MAN1C1: variants seen among roughly 807,000 people sequenced by gnomAD.
MAN1C1 encodes the protein mannosidase alpha class 1C member 1.
A neutral mutation model predicts 71.5 loss-of-function variants in MAN1C1; 49 were observed. The ratio of observed to expected loss-of-function variants is 0.69; its 90% confidence interval spans 0.54 to 0.87. The LOEUF is 0.87. MAN1C1 is among the 40% of genes least tolerant of loss of function. The pLI is 0.00. For synonymous variants in MAN1C1, 352 were observed against 343.7 expected (o/e 1.02, Z -0.27); for missense variants, 743 against 835.0 (o/e 0.89, Z 1.36).
intron 2 of MAN1C1, among the ~76,000 whole-genome samples, chr1:25,688,573 A>G (rs1362580146): frequency 6.6e-6 from 1 of 152,132 alleles, no homozygotes; most frequent in East Asian, 1.9e-4. Context: ...TGGGATTTAA[A>G]TCTCAACCCT....
intron 2 of MAN1C1, among the ~76,000 whole-genome samples, chr1:25,699,751 A>C (rs1284039290): frequency 6.6e-6 from 1 of 152,188 alleles, no homozygotes. Flanking sequence ...GGCAGACAGC[A>C]GGGTCAGCCC....
Position 25,778,134 on chromosome 1 carries a change from TC to T in MAN1C1, c.1290del (p.Leu433Ter). ...AIETYLLNVSPGGLTYIAEWR... is the reference protein window; with the variant it reads ...AIETYLLNVSXGGLTYIAEWR... ...TAGAGACCTACTTGCTGAATGTCTC[TC>T]CCGGGGGGCTGACCTACATTGCCGA... On this transcript the variant is annotated frameshift_variant, in exon 9 of 12. Coordinates refer to ENST00000374332, the MANE Select transcript of MAN1C1 (RefSeq NM_020379.4). LOFTEE classifies it high-confidence loss of function. This position sits in a 1 kb window ranked among gnomAD's most constrained non-coding sequence, Gnocchi z 5.5. 1 of 1,584,820 alleles carries T rather than the reference TC, an allele frequency of 6.3e-7. No homozygotes were observed. The highest frequency in any genetic ancestry group is 8.6e-7 in the Non-Finnish European group (1 of 1,162,032).
In MAN1C1 at chr1:25,778,924, C is replaced by T. The variant is rs1167298854; in HGVS notation, c.1477+600C>T. 3.3e-5 allele frequency among the ~76,000 whole-genome samples: 5 copies of T among 152,176 alleles called. No homozygotes were observed. The highest frequency in any genetic ancestry group is 1.2e-4 in the African/African-American group (5 of 41,430). On this transcript the variant is annotated intron_variant, in intron 9 of 11. Coordinates refer to ENST00000374332, the MANE Select transcript of MAN1C1 (RefSeq NM_020379.4). This position sits in a 1 kb window ranked among gnomAD's most constrained non-coding sequence, Gnocchi z 5.5. The stretch of plus-strand genomic sequence containing the variant: ...ACATTTGAGAGCCTGAGCCTGGCTC[C>T]TCATTCTACACAGAGAAGTGGAGTC...
chr1:25,750,454 GC>G (rs1572193923), intron 4 of MAN1C1, among the ~76,000 whole-genome samples: 1 of 151,578 alleles, frequency 6.6e-6, no homozygotes, highest in Non-Finnish European at 1.5e-5. Flanking sequence ...AATGATGCCT[GC>G]CCCCCGCCAC....
chr1:25,671,684 T>C (rs1246553959), intron 1 of MAN1C1, among the ~76,000 whole-genome samples: 4 of 152,216 alleles, frequency 2.6e-5, no homozygotes, highest in Admixed American at 6.5e-5. Context: ...CATTGGCATG[T>C]ACGAAGGCCG....
intron 1 of MAN1C1, among the ~76,000 whole-genome samples, chr1:25,676,188 A>G (rs545571143): frequency 9.9e-5 from 15 of 152,200 alleles, no homozygotes; most frequent in Non-Finnish European, 2.2e-4. Context: ...CTCAAACCTG[A>G]AACCCCATGG....
chr1:25,654,082 T>G (rs2045729473), intron 1 of MAN1C1, among the ~76,000 whole-genome samples: 1 of 152,152 alleles, frequency 6.6e-6, no homozygotes, highest in African/African-American at 2.4e-5. Flanking sequence ...GAGACAAGTT[T>G]TGGAACTCCC....
intron 2 of MAN1C1, among the ~76,000 whole-genome samples, chr1:25,716,522 C>G (rs763865433): frequency 6.6e-6 from 1 of 152,136 alleles, no homozygotes; most frequent in Non-Finnish European, 1.5e-5. Context: ...ACACAGGATT[C>G]TGCCGTGTTG....
chr1:25,732,764 G>A (rs2046926933), intron 2 of MAN1C1, among the ~76,000 whole-genome samples: 1 of 152,140 alleles, frequency 6.6e-6, no homozygotes, highest in South Asian at 2.1e-4. Flanking sequence ...CCCTCCCTGG[G>A]GCTCAGCTCC....
Position 25,782,674 on chromosome 1 carries a change from G to C in MAN1C1, c.1740G>C (p.Gln580His), listed in dbSNP as rs745949343. Residue 580 changes from glutamine (Q) to histidine (H), a missense_variant, in exon 11 of 12, where the codon CAG (glutamine) becomes CAC (histidine). Transcript: ENST00000374332. The surrounding 1 kb of genome is among the most constrained non-coding windows in gnomAD (Gnocchi z 4.4). Reference protein sequence around the residue: ...SSTPNHDNKQQSFFLAETLKY... With the variant: ...SSTPNHDNKQHSFFLAETLKY... ...CCCCCAACCACGACAACAAGCAGCA[G>C]AGCTTCTTTCTAGCGGAGACACTAA... 6 of 1,614,076 alleles carry C rather than the reference G, an allele frequency of 3.7e-6. No individual in the cohort carries two copies. Among genetic ancestry groups the C allele is most frequent in the African/African-American group, 1.3e-5 (1 of 75,018 alleles).
At chr1:25,636,881 A>G (rs2045469259) in intron 1 of MAN1C1, among the ~76,000 whole-genome samples, 1 of 152,176 alleles carries the variant, frequency 6.6e-6, no homozygotes, top group South Asian at 2.1e-4. Flanking sequence ...TCGGCCAGGC[A>G]TGGTGGCTCA....
chr1:25,729,252 G>A (rs934664232), intron 2 of MAN1C1, among the ~76,000 whole-genome samples: 47 of 152,252 alleles, frequency 3.1e-4, no homozygotes, highest in African/African-American at 1.0e-3. Flanking sequence ...TGCACATGCT[G>A]TGCTCTCTGC....
rs1218023534 is a variant in MAN1C1 at position 25,753,508 on chromosome 1, C to T, written c.859C>T (p.Leu287=). 6.2e-7 allele frequency: 1 copy of T among 1,613,912 alleles called. No homozygotes were observed. The highest frequency in any genetic ancestry group is 1.7e-5 in the Admixed American group (1 of 60,008). ...GGTGTTCCGAATAAAGGCCATCAGG[C>T]TGGGAGAGAAGCTCCTGCCGGCGTT... The part of the protein sequence containing the change: ...EEVFRIKAIR[L]GEKLLPAFNT... The change falls in exon 5 of 12, where the codon CTG becomes TTG. Residue 287 remains leucine, a synonymous_variant. Transcript: ENST00000374332. This position sits in a 1 kb window ranked among gnomAD's most constrained non-coding sequence, Gnocchi z 4.9.
At chr1:25,648,785 TCTC>T (rs745991315) in intron 1 of MAN1C1, among the ~76,000 whole-genome samples, 9 of 152,178 alleles carry the variant, frequency 5.9e-5, no homozygotes, top group Admixed American at 2.0e-4. Context: ...ATTCAAAAAA[TCTC>T]CTCATGTGCC....
rs952385165 is a variant in MAN1C1, at chr1:25,735,289, A to G, written c.638-11379A>G. Among the ~76,000 whole-genome samples, 5 of 152,178 alleles carry G rather than the reference A, an allele frequency of 3.3e-5. No individual in the cohort carries two copies. The highest frequency in any genetic ancestry group is 1.2e-4 in the African/African-American group (5 of 41,442). ...AAAAATTAGCCGGGCATGCTGACGC[A>G]TGCCTGTAATCCCAGCTACTTGGGA... is the stretch of plus-strand genomic sequence containing the variant. On this transcript the variant is annotated intron_variant, in intron 2 of 11. Coordinates refer to ENST00000374332, the MANE Select transcript of MAN1C1 (RefSeq NM_020379.4). This position sits in a 1 kb window ranked among gnomAD's most constrained non-coding sequence, Gnocchi z 4.6.
At chr1:25,704,698 C>T (rs2046495171) in intron 2 of MAN1C1, among the ~76,000 whole-genome samples, 2 of 152,236 alleles carry the variant, frequency 1.3e-5, no homozygotes, top group Non-Finnish European at 2.9e-5. Context: ...AAATGTCTCT[C>T]CTTACAGAGA....
rs1005176157 is a variant in MAN1C1, at chr1:25,616,969, C to G, written c.-829C>G. Among the ~76,000 whole-genome samples, 3 of 151,300 alleles carry G rather than the reference C, an allele frequency of 2.0e-5. No homozygotes were observed. Among genetic ancestry groups the G allele is most frequent in the Non-Finnish European group, 4.4e-5 (3 of 67,716 alleles). The stretch of plus-strand genomic sequence containing the variant: ...GCGCGCTCCGCGGAGCCGGCGGGGC[C>G]GGGAACAGGTGATCCCAGTGGGAGC... On this transcript the variant is annotated 5_prime_UTR_variant, in exon 1 of 12. Transcript: ENST00000374332. This position sits in a 1 kb window ranked among gnomAD's most constrained non-coding sequence, Gnocchi z 5.6.
intron 8 of MAN1C1, chr1:25,777,718 C>T (rs2047637099): frequency 5.4e-6 from 1 of 184,492 alleles, no homozygotes; most frequent in South Asian, 1.9e-4. Context: ...GTGTTGGGTA[C>T]AGTTTTAAGG....
At chr1:25,698,702 A>G (rs2124210151) in intron 2 of MAN1C1, among the ~76,000 whole-genome samples, 1 of 152,284 alleles carries the variant, frequency 6.6e-6, no homozygotes, top group Middle Eastern at 3.4e-3. Flanking sequence ...CTGTAATCCC[A>G]GCACTTTGGG....
Sources: gnomAD v4.1 joint callset for allele counts (sites outside exome capture counted in the v4.1 genomes callset) on GRCh38, gnomAD v4.1.1 for gene constraint, Gnocchi (gnomAD v3.1) non-coding constraint, MANE v1.5 for transcripts, NCBI Gene and HGNC (gene_info 2026-07-23, HGNC 2026-07-21) for gene names.